The following PRKCZ variants were observed in gnomAD, a reference collection of about 807,000 sequenced individuals.
The protein encoded by PRKCZ is protein kinase C zeta.
In PRKCZ, 33 loss-of-function variants were observed where a neutral mutation model predicts 79.5. That is an observed-to-expected ratio of 0.41 (90% CI 0.31 to 0.55). The LOEUF (loss-of-function observed/expected upper bound fraction) is 0.55. PRKCZ is among the 20% of genes least tolerant of loss of function. PRKCZ has a pLI of 0.19. For missense variants in PRKCZ, 578 were observed against 813.5 expected, an observed-to-expected ratio of 0.71 and a Z score of 3.52; for synonymous variants, 342 against 320.9, an observed-to-expected ratio of 1.07 and a Z score of -0.70.
intron 4 of PRKCZ, among the ~76,000 whole-genome samples, chr1:2,079,811 G>T (rs867623585): frequency 6.6e-6 from 1 of 152,122 alleles, no homozygotes; most frequent in African/African-American, 2.4e-5. Flanking sequence ...CTGGTGACCC[G>T]CATTTGTCTG....
rs1211570030 is a variant in PRKCZ at position 2,165,744 on chromosome 1, T to A, written c.975-3774T>A. Among the ~76,000 whole-genome samples the A allele has an allele frequency of 6.6e-6, 1 of 152,156 alleles. No individual in the cohort carries two copies. The highest frequency in any genetic ancestry group is 2.4e-5 in the African/African-American group (1 of 41,432). ...CGGACCCATCTGGTTAATTCTTGACTCTCAGGGCAGCGTCTCCTGTGCCTC... is the reference window on the plus strand; with the variant it reads ...CGGACCCATCTGGTTAATTCTTGACACTCAGGGCAGCGTCTCCTGTGCCTC... On this transcript the variant is annotated intron_variant, in intron 10 of 17. Transcript: ENST00000378567. The surrounding 1 kb of genome is among the most constrained non-coding windows in gnomAD (Gnocchi z 4.1).
chr1:2,113,238 G>C (rs914792901), intron 4 of PRKCZ, among the ~76,000 whole-genome samples: 3 of 152,180 alleles, frequency 2.0e-5, no homozygotes, highest in Non-Finnish European at 2.9e-5. Context: ...AGGTTTTAAC[G>C]TAAGGTTTAA....
chr1:2,146,063 G>C lies in PRKCZ; in HGVS notation c.589G>C (p.Asp197His), dbSNP rs755373605. The C allele has an allele frequency of 6.2e-7, 1 of 1,614,100 alleles. No individual in the cohort carries two copies. The highest frequency in any genetic ancestry group is 8.5e-7 in the Non-Finnish European group (1 of 1,180,000). ...GCCTTCCCAAGAGCCTCCAGTAGAC[G>C]ACAAGAACGAGGACGCCGACCTTCC... ...VMPSQEPPVD[D>H]KNEDADLPSE... Residue 197 changes from aspartate (D) to histidine (H), a missense_variant, in exon 7 of 18, where the codon GAC becomes CAC. By Grantham distance (81) the Asp-to-His change is moderately conservative. Around this residue, in one of 4 missense-constraint regions of PRKCZ, gnomAD observed 91 missense variants for 97.5 expected, o/e 0.93. Transcript: ENST00000378567.
intron 4 of PRKCZ, among the ~76,000 whole-genome samples, chr1:2,062,507 G>A (rs1409504179): frequency 1.6e-4 from 23 of 146,758 alleles, no homozygotes; most frequent in Non-Finnish European, 1.3e-4. Flanking sequence ...TTTTGGCAGA[G>A]GGGGGACGGA....
intron 4 of PRKCZ, chr1:2,074,225 C>A (rs1344182024): frequency 6.4e-7 from 1 of 1,550,512 alleles, no homozygotes; most frequent in Admixed American, 2.0e-5. Context: ...GAGGGACCTT[C>A]TGAGCGAGGC....
intron 6 of PRKCZ, 134 bp downstream of exon 6, chr1:2,144,475 G>A (rs573180183): frequency 7.5e-5 from 110 of 1,460,402 alleles, no homozygotes; most frequent in Non-Finnish European, 9.1e-5. Context: ...GCTCTGGGCT[G>A]CAGCGTGAGA....
Position 2,082,342 on chromosome 1 carries a change from T to G in PRKCZ, c.334+22751T>G, listed in dbSNP as rs1463483196. 2.2e-6 allele frequency: 1 copy of G among 455,618 alleles called. No individual in the cohort carries two copies. Among genetic ancestry groups the G allele is most frequent in the Non-Finnish European group, 4.4e-6 (1 of 226,682 alleles). The allele number at this position is 455,618 out of a possible 1,614,324, so 28.2% of individuals were successfully genotyped here. ...CAAGATGGACTTGGCAAATCACCTC[T>G]TTCAAGTTGCCGGCTACCCGGCTGC... On this transcript the variant is annotated intron_variant, in intron 4 of 17. Coordinates refer to ENST00000378567, the MANE Select transcript of PRKCZ (RefSeq NM_002744.6). This position sits in a 1 kb window ranked among gnomAD's most constrained non-coding sequence, Gnocchi z 4.4.
intron 8 of PRKCZ, among the ~76,000 whole-genome samples, chr1:2,150,015 A>AG (rs1344512371): frequency 1.3e-5 from 2 of 150,798 alleles, no homozygotes; most frequent in Non-Finnish European, 3.0e-5. Context: ...AAAAAAAAAA[A>AG]GCTGGGCGTG....
At chr1:2,078,849 T>TC (rs1208355816) in intron 4 of PRKCZ, among the ~76,000 whole-genome samples, 1 of 150,602 alleles carries the variant, frequency 6.6e-6, no homozygotes, top group African/African-American at 2.4e-5. Flanking sequence ...GGTGGCTTTT[T>TC]TTTTTTTTTT....
At chr1:2,071,113 A>G (rs966020793) in intron 4 of PRKCZ, among the ~76,000 whole-genome samples, 7 of 145,980 alleles carry the variant, frequency 4.8e-5, no homozygotes, top group African/African-American at 1.8e-4. Flanking sequence ...CTGCACTGCC[A>G]GGTTCAAACC....
At chr1:2,166,441 G>C (rs949058040) in intron 10 of PRKCZ, among the ~76,000 whole-genome samples, 2 of 152,150 alleles carry the variant, frequency 1.3e-5, no homozygotes, top group African/African-American at 2.4e-5. Context: ...CCGAGGGCAC[G>C]TGTCTCATGA....
At chr1:2,077,641 G>T (rs1662687871) in intron 4 of PRKCZ, among the ~76,000 whole-genome samples, 1 of 152,184 alleles carries the variant, frequency 6.6e-6, no homozygotes, top group Non-Finnish European at 1.5e-5. Context: ...AGTTCTGTGG[G>T]ACTCACAAAG....
chr1:2,095,156 G>A lies in PRKCZ; in HGVS notation c.334+35565G>A, dbSNP rs531579538. Among the ~76,000 whole-genome samples, 399 of 152,296 alleles carry A rather than the reference G, an allele frequency of 2.6e-3. 10 individuals carry two copies. The highest frequency in any genetic ancestry group is 9.3e-3 in the African/African-American group (386 of 41,534). ...GTCCCAGATATGCCGTCTCCCTGGG[G>A]CACCTGTGCTTCTGGTACCCAGGGT... On this transcript the variant is annotated intron_variant, in intron 4 of 17. Coordinates refer to ENST00000378567, the MANE Select transcript of PRKCZ (RefSeq NM_002744.6).
intron 4 of PRKCZ, among the ~76,000 whole-genome samples, chr1:2,080,141 C>T (rs1468112772): frequency 1.3e-5 from 2 of 152,204 alleles, no homozygotes; most frequent in African/African-American, 2.4e-5. Context: ...ATCCACTACC[C>T]GGCCTGTCCT....
At chr1:2,161,737 G>A (rs1304663537) in intron 10 of PRKCZ, among the ~76,000 whole-genome samples, 5 of 152,184 alleles carry the variant, frequency 3.3e-5, no homozygotes, top group Non-Finnish European at 7.3e-5. Context: ...GAGCAGAGAT[G>A]AGGTCATGGC....
At chr1:2,096,105 C>A (rs1327896261) in intron 4 of PRKCZ, among the ~76,000 whole-genome samples, 5 of 151,420 alleles carry the variant, frequency 3.3e-5, no homozygotes, top group African/African-American at 1.2e-4. Context: ...CAGGCAGCTG[C>A]CTAGGAAGGC....
chr1:2,080,609 G>A (rs184891184), intron 4 of PRKCZ, among the ~76,000 whole-genome samples: 2 of 152,330 alleles, frequency 1.3e-5, no homozygotes, highest in Non-Finnish European at 1.5e-5. Context: ...CAGGAGTAGA[G>A]CACAAGCATT....
chr1:2,062,196 C>T (rs1405681056), intron 4 of PRKCZ, among the ~76,000 whole-genome samples: 8 of 152,292 alleles, frequency 5.3e-5, no homozygotes, highest in South Asian at 2.1e-4. Flanking sequence ...ACTATCATCT[C>T]TATGTAGTTA....
intron 4 of PRKCZ, among the ~76,000 whole-genome samples, chr1:2,106,405 C>T (rs904359154): frequency 1.3e-5 from 2 of 152,054 alleles, no homozygotes; most frequent in African/African-American, 4.8e-5. Flanking sequence ...CTCAGCAAGC[C>T]CCTCTAGTGG....
Sources: allele counts gnomAD v4.1 joint callset (sites outside exome capture counted in the v4.1 genomes callset), GRCh38; gene constraint gnomAD v4.1.1; regional missense constraint gnomAD v4.1.1; non-coding constraint Gnocchi (gnomAD v3.1); transcripts MANE v1.5; gene names NCBI Gene and HGNC (gene_info 2026-07-23, HGNC 2026-07-21).